Variants in TENM1 observed in about 807,000 individuals in gnomAD.
TENM1 encodes teneurin transmembrane protein 1.
Under a neutral mutation model 174.8 loss-of-function variants are expected in TENM1, and 35 were observed. That is an observed-to-expected ratio of 0.20 (90% CI 0.15 to 0.27). The LOEUF is 0.27. Among genes scored for constraint, TENM1 ranks in the 10% least tolerant of loss-of-function variants. The pLI, the probability that TENM1 is intolerant of heterozygous loss-of-function variation, is 1.00. For synonymous variants in TENM1, 781 were observed against 798.7 expected (o/e 0.98, Z 0.37); for missense variants, 1,633 against 2,130.1 (o/e 0.77, Z 4.59).
chrX:124,429,245 T>G (rs994474547), intron 23 of TENM1, among the ~76,000 whole-genome samples: 39 of 111,961 alleles, frequency 3.5e-4, no homozygotes, highest in Non-Finnish European at 2.8e-4. Context: ...TCTTTGGCTG[T>G]GAAGGTCAAG....
chrX:124,575,157 G>T lies in TENM1; in HGVS notation c.2078-9597C>A, dbSNP rs192227629. Among the ~76,000 whole-genome samples the T allele has an allele frequency of 1.8e-4, 20 of 111,833 alleles. No individual in the cohort carries two copies. The East Asian group carries it at 5.3e-3, about 30-fold the overall frequency. ...TATCATATCTGTTTTATTGCATATGGTTAAATTAAATACCATCTCTAACCA... is the reference window on the plus strand; with the variant it reads ...TATCATATCTGTTTTATTGCATATGTTTAAATTAAATACCATCTCTAACCA... On this transcript the variant is annotated intron_variant, in intron 11 of 31. Coordinates refer to ENST00000422452, the Ensembl canonical transcript of TENM1.
At chrX:124,782,707 A>G (rs920767958) in intron 3 of TENM1, among the ~76,000 whole-genome samples, 13 of 110,569 alleles carry the variant, frequency 1.2e-4, no homozygotes, top group Non-Finnish European at 2.5e-4. Context: ...AAAAAAATCT[A>G]TGTCATAGCA....
chrX:124,798,905 A>T (rs938517807), intron 3 of TENM1, among the ~76,000 whole-genome samples: 1 of 111,943 alleles, frequency 8.9e-6, no homozygotes, highest in African/African-American at 3.3e-5. Context: ...TTTTCTGTGT[A>T]TGGCTAGCTA....
At position 124,481,872 on chromosome X, in the gene TENM1, A is replaced by G. The variant is rs1037190672; in HGVS notation, c.3809T>C (p.Leu1270Ser). 4.2e-6 allele frequency: 5 copies of G among 1,203,438 alleles called. No individual in the cohort carries two copies. The African/African-American group carries it at 8.8e-5, about 21-fold the overall frequency. The change falls in exon 22 of 32, where the codon TTG becomes TCG. Residue 1270 changes from leucine (L) to serine (S), a missense_variant. Physicochemically the swap from Leu to Ser is moderately radical, Grantham distance 145. Around this residue, in one of 4 missense-constraint regions of TENM1, gnomAD observed 72 missense variants for 59.4 expected, o/e 1.21. Coordinates refer to ENST00000422452, the Ensembl canonical transcript of TENM1. ...ATCTTTCGTCTCCACAAGAGATTTC[A>G]ACTTGTAGACTTTGCGAGTATTGGT...
chrX:124,430,631 T>C (rs1310863692), intron 23 of TENM1, among the ~76,000 whole-genome samples: 1 of 112,127 alleles, frequency 8.9e-6, no homozygotes, highest in African/African-American at 3.2e-5. Flanking sequence ...TATTGTTCTG[T>C]TCCTTGGCTA....
intron 22 of TENM1, among the ~76,000 whole-genome samples, chrX:124,467,297 T>G (rs1206577014): frequency 1.8e-5 from 2 of 112,046 alleles, no homozygotes; most frequent in Non-Finnish European, 3.8e-5. Context: ...AACCTCACAT[T>G]TGAGTTATTA....
the TENM1 span, among the ~76,000 whole-genome samples, chrX:125,008,317 CAAG>C: frequency 1.8e-5 from 2 of 110,968 alleles, no homozygotes; most frequent in South Asian, 3.8e-4. Context: ...GGGATCAATT[CAAG>C]AAGAAGAGCT....
chrX:124,862,831 C>T (rs2056938003), intron 3 of TENM1, among the ~76,000 whole-genome samples: 1 of 108,591 alleles, frequency 9.2e-6, no homozygotes, highest in African/African-American at 3.4e-5. Context: ...TCCCCTAACC[C>T]CAGGCTGCAC....
chrX:124,969,883 T>A, the TENM1 span, among the ~76,000 whole-genome samples: 4 of 112,275 alleles, frequency 3.6e-5, no homozygotes, highest in Non-Finnish European at 5.6e-5. Flanking sequence ...CTTCCAACTC[T>A]AAAATTCTAC....
intron 3 of TENM1, among the ~76,000 whole-genome samples, chrX:124,840,234 CA>C (rs1031971594): frequency 6.3e-5 from 7 of 111,410 alleles, no homozygotes; most frequent in Non-Finnish European, 1.1e-4. Context: ...CTCTTATGGG[CA>C]AAAACCACTT....
intron 15 of TENM1, among the ~76,000 whole-genome samples, chrX:124,543,701 T>C (rs1458929811): frequency 8.9e-6 from 1 of 112,178 alleles, no homozygotes; most frequent in Admixed American, 9.4e-5. Context: ...TTTGGAGTAG[T>C]TGAAGAAAAC....
At chrX:124,814,133 A>G (rs2055845448) in intron 3 of TENM1, among the ~76,000 whole-genome samples, 1 of 111,285 alleles carries the variant, frequency 9.0e-6, no homozygotes, top group Non-Finnish European at 1.9e-5. Flanking sequence ...CTTCATTTCT[A>G]GAGTCAGGCT....
intron 20 of TENM1, among the ~76,000 whole-genome samples, chrX:124,490,300 C>T (rs1212953409): frequency 1.8e-5 from 2 of 111,507 alleles, no homozygotes; most frequent in Non-Finnish European, 3.8e-5. Context: ...GAGGTAACCA[C>T]CTATTTCATC....
intron 3 of TENM1, among the ~76,000 whole-genome samples, chrX:124,872,030 C>CAAAAAAAAAA (rs748541890): frequency 6.5e-4 from 23 of 35,310 alleles, no homozygotes; most frequent in African/African-American, 2.3e-3. Context: ...GACTCTGTCT[C>CAAAAAAAAAA]AAAAAAAAAA....
intron 1 of TENM1, among the ~76,000 whole-genome samples, chrX:124,907,639 A>G (rs1376849088): frequency 5.4e-5 from 6 of 111,932 alleles, no homozygotes; most frequent in African/African-American, 1.9e-4. Flanking sequence ...ATGAAGCCCT[A>G]TTATTTAAAA....
chrX:124,712,461 A>ATCTTT (rs965626084), intron 4 of TENM1, among the ~76,000 whole-genome samples: 2 of 110,429 alleles, frequency 1.8e-5, no homozygotes, highest in South Asian at 7.8e-4. Flanking sequence ...GATTTTGAAC[A>ATCTTT]TCTTTTCTTT....
intron 1 of TENM1, among the ~76,000 whole-genome samples, chrX:124,951,673 T>TATATATATATATATATATATATATATAA (rs767583231): frequency 7.6e-5 from 5 of 66,088 alleles, no homozygotes; most frequent in Admixed American, 1.9e-4. Flanking sequence ...TATATATATA[T>TATATATATATATATATATATATATATAA]AACAATCAAT....
At chrX:124,736,794 C>T (rs926217860) in intron 4 of TENM1, among the ~76,000 whole-genome samples, 163 bp downstream of exon 7, 1 of 111,999 alleles carries the variant, frequency 8.9e-6, no homozygotes, top group African/African-American at 3.2e-5. Flanking sequence ...TGCACATCTG[C>T]GCCTGTGAAG....
At chrX:125,023,458 C>T in the TENM1 span, among the ~76,000 whole-genome samples, 2 of 111,120 alleles carry the variant, frequency 1.8e-5, no homozygotes, top group East Asian at 5.7e-4. Context: ...GACTAATACA[C>T]TAGCCAAGAT....
Sources: allele counts gnomAD v4.1 joint callset (sites outside exome capture counted in the v4.1 genomes callset), GRCh38; gene constraint gnomAD v4.1.1; regional missense constraint gnomAD v4.1.1; transcripts MANE v1.5; gene names NCBI Gene and HGNC (gene_info 2026-07-23, HGNC 2026-07-21).